Variants in SLC26A1 observed in about 807,000 individuals in gnomAD.
The protein encoded by SLC26A1 is sulfate anion transporter 1.
Under a neutral mutation model 14.5 loss-of-function variants are expected in SLC26A1, and 18 were observed. That is an observed-to-expected ratio of 1.24 (90% confidence interval 0.86 to 1.84). SLC26A1 has a LOEUF of 1.84. Ranked by LOEUF, SLC26A1 falls within the 40% of genes most tolerant of loss-of-function variation. SLC26A1 has a pLI of 0.00. For synonymous variants in SLC26A1, 505 were observed against 492.0 expected (o/e 1.03, Z -0.35); for missense variants, 1,049 against 1,020.0 (o/e 1.03, Z -0.39).
chr4:990,563 G>A (rs898022988), intron 2 of SLC26A1: 5 of 600,654 alleles, frequency 8.3e-6, no homozygotes, highest in Non-Finnish European at 1.5e-5. Context: ...AGACAACTGT[G>A]ACATCCACGT....
Position 988,895 on chromosome 4 carries a change from C to T in SLC26A1, c.2044G>A (p.Asp682Asn). Residue 682 changes from aspartate to asparagine, a missense_variant, in exon 3 of 3, where the codon GAT becomes AAT. Asp to Asn is a conservative substitution (Grantham distance 23). Transcript: ENST00000398516. ...EEEQLFLSVH[D>N]AVQTARARHR... The stretch of plus-strand genomic sequence containing the variant: ...CGGGCTCGTGCTGTCTGCACGGCAT[C>T]GTGCACACTGAGGAACAGCTGCTCC... 15 of 1,604,168 alleles carry T rather than the reference C, an allele frequency of 9.4e-6. No homozygotes were observed. The highest frequency in any genetic ancestry group is 1.1e-5 in the South Asian group (1 of 89,830).
In SLC26A1 at chr4:989,391, G is replaced by A. The variant is rs745322519; in HGVS notation, c.1548C>T (p.Ile516=). The stretch of plus-strand genomic sequence containing the variant: ...CATCCTCGTAGAAGGCCGTGTCCCC[G>A]ATGCGGGCCAGCAGGGCGGTGCGTG... ...QRPRTALLAR[I]GDTAFYEDAT... is the part of the protein sequence containing the mutation. The change falls in exon 3 of 3, where the codon ATC becomes ATT. Residue 516 remains isoleucine, a synonymous_variant. Transcript: ENST00000398516. 8.3e-6 allele frequency: 13 copies of A among 1,569,620 alleles called. No individual in the cohort carries two copies. The East Asian group carries it at 9.5e-5, about 11-fold the overall frequency.
chr4:991,076 C>G, intron 2 of SLC26A1, 52 bp downstream of exon 2: 2 of 1,498,412 alleles, frequency 1.3e-6, no homozygotes, highest in Admixed American at 4.7e-5. Context: ...ATGGCCAAAA[C>G]CTAAGGGGGG....
At position 988,161 on chromosome 4, in the gene SLC26A1, C is replaced by G; in HGVS notation, c.*672G>C. 3.6e-6 allele frequency: 5 copies of G among 1,396,946 alleles called. No homozygotes were observed. The South Asian group carries it at 6.5e-5, about 18-fold the overall frequency. The allele number at this position is 1,396,946 out of a possible 1,614,324, so 86.5% of individuals were successfully genotyped here. A position where few individuals can be genotyped will look rare whatever the true frequency, so the allele number is the denominator to read the frequency against. On this transcript the variant is annotated 3_prime_UTR_variant, in exon 3 of 3. Transcript: ENST00000398516. ...GGGGCACGGTGGGCTTCCTGCAGGT[C>G]TCCCTGCAGGCTCAGGGTTGGCTGC...
chr4:991,353 G>A lies in SLC26A1; in HGVS notation c.351C>T (p.Thr117=). Residue 117 remains threonine (T), a synonymous_variant, in exon 2 of 3, where the codon ACC becomes ACT. Coordinates refer to ENST00000398516, the MANE Select transcript of SLC26A1 (RefSeq NM_022042.4). ...FANLIYFLMG[T]SRHVSVGIFS... ...AGATGCCCACGGAGACATGCCGTGA[G>A]GTGCCCATGAGGAAGTAGATGAGGT... 6.2e-7 allele frequency: 1 copy of A among 1,612,912 alleles called. No homozygotes were observed. The highest frequency in any genetic ancestry group is 1.1e-5 in the South Asian group (1 of 91,084).
chr4:993,145 G>A (rs902114971), intron 1 of SLC26A1, among the ~76,000 whole-genome samples, 156 bp downstream of exon 1: 1 of 152,198 alleles, frequency 6.6e-6, no homozygotes, highest in African/African-American at 2.4e-5. Context: ...CCCACCCCAA[G>A]CCCCTGGGGT....
chr4:982,511 G>T (rs913245008), intron 2 of SLC26A1, among the ~76,000 whole-genome samples: 1 of 152,214 alleles, frequency 6.6e-6, no homozygotes, highest in Admixed American at 6.5e-5. Context: ...CCCGGTGGAC[G>T]GCTGCTGCTC....
At chr4:979,553 G>C in intron 2 of SLC26A1, 1 of 1,607,534 alleles carries the variant, frequency 6.2e-7, no homozygotes, top group East Asian at 2.2e-5. Flanking sequence ...CTGACCCGCT[G>C]ACGTCTCCAC....
Position 989,730 on chromosome 4 carries a change from C to T in SLC26A1, c.1209G>A (p.Leu403=), listed in dbSNP as rs1432783297. The T allele has an allele frequency of 1.3e-6, 2 of 1,557,766 alleles. No homozygotes were observed. The highest frequency in any genetic ancestry group is 1.7e-6 in the Non-Finnish European group (2 of 1,151,390). ...FATSAALAKS[L]VKTATGCRTQ... is the part of the protein sequence containing the mutation. Reference sequence around the variant, plus strand: ...TCCGGCAGCCAGTGGCTGTCTTCACCAGGCTCTTGGCCAGGGCGGCGCTGG... The same window carrying T: ...TCCGGCAGCCAGTGGCTGTCTTCACTAGGCTCTTGGCCAGGGCGGCGCTGG... Residue 403 remains leucine (L), a synonymous_variant, in exon 3 of 3, where the codon CTG becomes CTA. Coordinates refer to ENST00000398516, the MANE Select transcript of SLC26A1 (RefSeq NM_022042.4).
chr4:979,575 C>T, intron 2 of SLC26A1: 1 of 1,589,878 alleles, frequency 6.3e-7, no homozygotes, highest in Non-Finnish European at 8.6e-7. Flanking sequence ...GCCAAACGTC[C>T]CCCTGCCGGG....
At chr4:990,483 G>A (rs976046653) in intron 2 of SLC26A1, 121 bp from the exon 3 acceptor site, 18 of 996,418 alleles carry the variant, frequency 1.8e-5, no homozygotes, top group Admixed American at 1.1e-4. Flanking sequence ...TCTGTGTTGC[G>A]GCCCCGTGTG....
chr4:987,700 G>A lies in SLC26A1; in HGVS notation c.*1133C>T. The A allele has an allele frequency of 1.3e-6, 2 of 1,549,324 alleles. No homozygotes were observed. The highest frequency in any genetic ancestry group is 3.8e-5 in the Admixed American group (2 of 53,196). On this transcript the variant is annotated 3_prime_UTR_variant, in exon 3 of 3. Transcript: ENST00000398516. ...ATTTTATTAGTCACTGAACGCACGG[G>A]CAGCGCCTGGATCCTGCGCCCGGGC...
chr4:987,814 C>T lies in SLC26A1; in HGVS notation c.*1019G>A, dbSNP rs199554923. 2.0e-5 allele frequency: 33 copies of T among 1,612,386 alleles called. No homozygotes were observed. The highest frequency in any genetic ancestry group is 1.7e-4 in the Middle Eastern group (1 of 6,016). On this transcript the variant is annotated 3_prime_UTR_variant, in exon 3 of 3. Coordinates refer to ENST00000398516, the MANE Select transcript of SLC26A1 (RefSeq NM_022042.4). ...CGCCCCTTTGTTGTCCCCAGCCCCC[C>T]GCTGCCACACAGCCAGGCTGACCAG...
rs375487522 is a variant in SLC26A1, at chr4:989,419, C to T, written c.1520G>A (p.Arg507His). The T allele has an allele frequency of 1.3e-4, 195 of 1,556,874 alleles. 1 individual carries two copies. The highest frequency in any genetic ancestry group is 2.4e-4 in the East Asian group (10 of 41,398). The stretch of plus-strand genomic sequence containing the variant: ...GCGGGCCAGCAGGGCGGTGCGTGGG[C>T]GTTGGGTGCGGCCGGCCAGGCTGAG... The part of the protein sequence containing the change: ...SLLSLAGRTQ[R>H]PRTALLARIG... The change falls in exon 3 of 3, where the codon CGC becomes CAC. Residue 507 changes from arginine to histidine, a missense_variant. Physicochemically the swap from Arg to His is conservative, Grantham distance 29 (BLOSUM62 0). Coordinates refer to ENST00000398516, the MANE Select transcript of SLC26A1 (RefSeq NM_022042.4).
chr4:980,586 CAA>C (rs57819047), intron 2 of SLC26A1, among the ~76,000 whole-genome samples: 7 of 50,906 alleles, frequency 1.4e-4, no homozygotes, highest in Admixed American at 2.2e-4. Flanking sequence ...AACTCCATCT[CAA>C]AAAAAAAAAA....
Position 990,222 on chromosome 4 carries a change from G to C in SLC26A1, c.717C>G (p.His239Gln). 4.5e-6 allele frequency: 7 copies of C among 1,568,288 alleles called. No individual in the cohort carries two copies. The highest frequency in any genetic ancestry group is 6.0e-6 in the Non-Finnish European group (7 of 1,157,500). Residue 239 changes from histidine to glutamine, a missense_variant, in exon 3 of 3, where the codon CAC (histidine) becomes CAG (glutamine). By Grantham distance (24) the His-to-Gln change is conservative. Transcript: ENST00000398516. ...KHLLGVRIPR[H>Q]QGPGMVVLTW... Reference sequence around the variant, plus strand: ...TGAGGACCACCATGCCGGGCCCCTGGTGCCGCGGGATCCGCACGCCCAGCA... The same window carrying C: ...TGAGGACCACCATGCCGGGCCCCTGCTGCCGCGGGATCCGCACGCCCAGCA...
chr4:986,761 A>T, downstream of SLC26A1: 1 of 501,726 alleles, frequency 2.0e-6, no homozygotes. Flanking sequence ...TGTCTCAAAA[A>T]CACACAAAAA....
At chr4:987,142 G>C, downstream of SLC26A1, 2 of 1,419,084 alleles carry the variant, frequency 1.4e-6, no homozygotes, top group East Asian at 3.1e-5. Flanking sequence ...GCTCCTGGCC[G>C]CGCCCCCGGT....
At chr4:992,163 A>C (rs751096765) in intron 1 of SLC26A1, 1 of 466,612 alleles carries the variant, frequency 2.1e-6, no homozygotes, top group Non-Finnish European at 4.3e-6. Context: ...AGAATGTCAC[A>C]GTCACTGGAC....
Sources: gnomAD v4.1 joint callset for allele counts (sites outside exome capture counted in the v4.1 genomes callset) on GRCh38, gnomAD v4.1.1 for gene constraint, MANE v1.5 for transcripts, NCBI Gene and HGNC (gene_info 2026-07-23, HGNC 2026-07-21) for gene names.